Variants in APBA2 observed in about 807,000 individuals in gnomAD.
APBA2 encodes the protein amyloid-beta A4 precursor protein-binding family A member 2.
In APBA2, 30 loss-of-function variants were observed where a neutral mutation model predicts 75.0. That is an observed-to-expected ratio of 0.40 (90% CI 0.30 to 0.54). The LOEUF is 0.54. APBA2 is among the 20% of genes least tolerant of loss of function. APBA2 has a pLI of 0.49. For missense variants in APBA2, 801 were observed against 1,016.1 expected (o/e 0.79, Z 2.88); for synonymous variants, 444 against 409.6 (o/e 1.08, Z -1.01).
At chr15:29,059,363 A>G (rs1185602940) in intron 4 of APBA2, among the ~76,000 whole-genome samples, 1 of 152,124 alleles carries the variant, frequency 6.6e-6, no homozygotes, top group African/African-American at 2.4e-5. Context: ...TGACTCGTCT[A>G]TGCTGCCACT....
intron 2 of APBA2, among the ~76,000 whole-genome samples, chr15:28,972,510 A>T (rs552256770): frequency 6.6e-6 from 1 of 152,396 alleles, no homozygotes; most frequent in South Asian, 2.1e-4. Context: ...GTTACAAGTT[A>T]TATGCAAAGT....
At chr15:28,892,264 A>G (rs1347413332) in intron 1 of APBA2, among the ~76,000 whole-genome samples, 6 of 151,870 alleles carry the variant, frequency 4.0e-5, no homozygotes, top group African/African-American at 1.5e-4. Context: ...TTTAGTAGAG[A>G]CGGGGTTTCA....
chr15:29,048,314 CT>C (rs1415715239), intron 3 of APBA2, among the ~76,000 whole-genome samples: 1 of 152,156 alleles, frequency 6.6e-6, no homozygotes, highest in Non-Finnish European at 1.5e-5. Context: ...TGCTACTGCA[CT>C]TTAGCCTGGG....
chr15:28,940,108 G>A lies in APBA2; in HGVS notation c.-95+18359G>A, dbSNP rs73366756. On this transcript the variant is annotated intron_variant, in intron 2 of 14. Coordinates refer to ENST00000683413, the MANE Select transcript of APBA2 (RefSeq NM_001353788.2). ...ATTCCTAGCATGTTTTGTGTGTAAC[G>A]TGAGATGAAGCAAATGATTACTGAT... is the stretch of plus-strand genomic sequence containing the variant. 5.2e-3 allele frequency among the ~76,000 whole-genome samples: 798 copies of A among 152,234 alleles called. 8 individuals carry two copies. Among genetic ancestry groups the A allele is most frequent in the African/African-American group, 0.018 (758 of 41,538 alleles).
At chr15:28,925,007 A>G (rs1279250323) in intron 2 of APBA2, among the ~76,000 whole-genome samples, 1 of 151,860 alleles carries the variant, frequency 6.6e-6, no homozygotes, top group Non-Finnish European at 1.5e-5. Flanking sequence ...GCATTTCCTG[A>G]ATAGGTTTTT....
intron 3 of APBA2, among the ~76,000 whole-genome samples, chr15:29,018,548 G>A (rs1354267186): frequency 6.6e-6 from 1 of 152,210 alleles, no homozygotes; most frequent in Non-Finnish European, 1.5e-5. Context: ...GGAAGCATGG[G>A]AAGGGCAGCT....
intron 7 of APBA2, 79 bp from the exon 8 acceptor site, chr15:29,094,199 A>G: frequency 2.0e-6 from 3 of 1,516,256 alleles, no homozygotes; most frequent in Non-Finnish European, 1.8e-6. Flanking sequence ...GGGGGCATCA[A>G]CCACCAAAGT....
intron 6 of APBA2, among the ~76,000 whole-genome samples, chr15:29,082,156 G>A (rs958649006): frequency 3.9e-5 from 6 of 152,204 alleles, no homozygotes; most frequent in African/African-American, 1.4e-4. Context: ...TATGTTCATA[G>A]GTGGTTTTTC....
chr15:28,977,708 A>G (rs539570277), intron 2 of APBA2, among the ~76,000 whole-genome samples: 1 of 152,146 alleles, frequency 6.6e-6, no homozygotes, highest in Non-Finnish European at 1.5e-5. Context: ...CCACCCTCCC[A>G]ATGTGTACAT....
At chr15:28,940,770 G>A (rs1322652969) in intron 2 of APBA2, among the ~76,000 whole-genome samples, 1 of 152,160 alleles carries the variant, frequency 6.6e-6, no homozygotes, top group Admixed American at 6.5e-5. Context: ...TTGATACCGG[G>A]TTGGGGGCGG....
At chr15:28,912,512 G>T (rs2033477146) in intron 1 of APBA2, among the ~76,000 whole-genome samples, 1 of 152,226 alleles carries the variant, frequency 6.6e-6, no homozygotes, top group Admixed American at 6.5e-5. Flanking sequence ...CTAGCTGTTG[G>T]CTACTTATCT....
At chr15:29,018,753 G>A (rs2039803625) in intron 3 of APBA2, among the ~76,000 whole-genome samples, 1 of 152,188 alleles carries the variant, frequency 6.6e-6, no homozygotes, top group African/African-American at 2.4e-5. Flanking sequence ...GGATATGGTA[G>A]CTCCATAAGG....
intron 3 of APBA2, among the ~76,000 whole-genome samples, chr15:29,031,418 G>A (rs986062263): frequency 6.6e-6 from 1 of 152,110 alleles, no homozygotes; most frequent in African/African-American, 2.4e-5. Flanking sequence ...CCCTGCATGT[G>A]TTCTTCCTTC....
At chr15:28,999,109 T>G (rs1595690770) in intron 3 of APBA2, among the ~76,000 whole-genome samples, 1 of 149,164 alleles carries the variant, frequency 6.7e-6, no homozygotes, top group Non-Finnish European at 1.5e-5. Context: ...ATCATGCCAC[T>G]GCACTCCAGC....
intron 3 of APBA2, among the ~76,000 whole-genome samples, chr15:29,009,124 G>A (rs2039275808): frequency 6.6e-6 from 1 of 152,146 alleles, no homozygotes; most frequent in Non-Finnish European, 1.5e-5. Context: ...AGAAGTTAGG[G>A]CAGTGTTTAC....
chr15:29,005,124 AAT>A (rs1410693074), intron 3 of APBA2, among the ~76,000 whole-genome samples: 1 of 152,190 alleles, frequency 6.6e-6, no homozygotes, highest in Non-Finnish European at 1.5e-5. Context: ...TAGGGGCCGA[AAT>A]TAAGCACTTA....
chr15:29,101,856 T>C (rs1217322412), intron 10 of APBA2, 72 bp downstream of exon 10: 1 of 1,491,428 alleles, frequency 6.7e-7, no homozygotes, highest in African/African-American at 1.4e-5. Flanking sequence ...ATCCAGGCGC[T>C]GTGGAAACCA....
In APBA2 at chr15:29,010,722, A is replaced by G. The variant is rs577056264; in HGVS notation, c.-41+14916A>G. Among the ~76,000 whole-genome samples, 31 of 152,262 alleles carry G rather than the reference A, an allele frequency of 2.0e-4. No homozygotes were observed. In the East Asian group the frequency reaches 3.1e-3, roughly 15 times the overall value. On this transcript the variant is annotated intron_variant, in intron 3 of 14. Transcript: ENST00000683413. ...TTTTTGTGCCCTGTTTAGGAAATCT[A>G]TGCATACCTAAGAACATGAAAACAA...
intron 3 of APBA2, among the ~76,000 whole-genome samples, chr15:29,021,356 C>T (rs191727449): frequency 2.1e-3 from 317 of 152,100 alleles, no homozygotes; most frequent in African/African-American, 7.2e-3. Flanking sequence ...GGTGAAACCC[C>T]GTCTCTACTA....
Sources: gnomAD v4.1 joint callset for allele counts (sites outside exome capture counted in the v4.1 genomes callset) on GRCh38, gnomAD v4.1.1 for gene constraint, MANE v1.5 for transcripts, NCBI Gene and HGNC (gene_info 2026-07-23, HGNC 2026-07-21) for gene names.